Variants in HOOK3 observed in about 807,000 individuals in gnomAD.
The protein encoded by HOOK3 is protein Hook homolog 3.
Under a neutral mutation model 116.3 loss-of-function variants are expected in HOOK3, and 24 were observed. The ratio of observed to expected loss-of-function variants is 0.21; its 90% CI spans 0.15 to 0.29. The LOEUF is 0.29. HOOK3 is among the 10% of genes least tolerant of loss of function. The probability of loss-of-function intolerance (pLI) is 1.00; values close to 1 mark genes in which losing one functional copy is unlikely to be tolerated. For missense variants in HOOK3, 632 were observed against 830.2 expected (o/e 0.76, Z 2.93); for synonymous variants, 275 against 283.0 (o/e 0.97, Z 0.28).
At chr8:43,007,178 C>T (rs549322953) in intron 17 of HOOK3, among the ~76,000 whole-genome samples, 54 of 152,038 alleles carry the variant, frequency 3.6e-4, no homozygotes, top group African/African-American at 1.1e-3. Context: ...CCACCACACC[C>T]GGCTAATTTT....
intron 4 of HOOK3, among the ~76,000 whole-genome samples, chr8:42,939,415 C>A (rs1808049449): frequency 6.8e-6 from 1 of 147,744 alleles, no homozygotes; most frequent in Non-Finnish European, 1.5e-5. Context: ...CTACCTCCCT[C>A]CCGGATGGGG....
intron 12 of HOOK3, 39 bp downstream of exon 12, chr8:42,973,438 C>CCT: frequency 7.5e-7 from 1 of 1,332,574 alleles, no homozygotes; most frequent in Non-Finnish European, 1.0e-6. Context: ...TTGAGCACTG[C>CCT]TAAAATTAAG....
intron 13 of HOOK3, among the ~76,000 whole-genome samples, chr8:42,982,224 C>T (rs1586620817): frequency 7.0e-6 from 1 of 143,664 alleles, no homozygotes; most frequent in African/African-American, 2.6e-5. Flanking sequence ...CATTGCATTC[C>T]AGCCTGGGCA....
At chr8:42,908,132 T>C (rs1202606773) in intron 2 of HOOK3, among the ~76,000 whole-genome samples, 2 of 152,164 alleles carry the variant, frequency 1.3e-5, no homozygotes, top group Non-Finnish European at 2.9e-5. Context: ...GAAAGAGCCA[T>C]ACATTGAAAA....
chr8:42,956,062 C>T (rs1808427555), intron 6 of HOOK3, among the ~76,000 whole-genome samples: 1 of 152,154 alleles, frequency 6.6e-6, no homozygotes, highest in Non-Finnish European at 1.5e-5. Flanking sequence ...GATTGTCCCT[C>T]TCCCTTTTGT....
rs1809774507 is a variant in HOOK3 at position 43,019,249 on chromosome 8, A to T, written c.*751A>T. 1 of 213,174 alleles carries T rather than the reference A, an allele frequency of 4.7e-6. No homozygotes were observed. Among genetic ancestry groups the T allele is most frequent in the African/African-American group, 2.3e-5 (1 of 44,270 alleles). 13.2% of individuals were successfully genotyped at this position (213,174 alleles called of 1,614,324 possible). Reference sequence around the variant, plus strand: ...TTTGGGATAAATTACAAAAGAAAAAAAATTAGACACTGCATTAATTTCTTG... The same window carrying T: ...TTTGGGATAAATTACAAAAGAAAAATAATTAGACACTGCATTAATTTCTTG... On this transcript the variant is annotated 3_prime_UTR_variant, in exon 22 of 22. Coordinates refer to ENST00000307602, the MANE Select transcript of HOOK3 (RefSeq NM_032410.4).
chr8:42,927,556 G>T (rs183390397), intron 3 of HOOK3, among the ~76,000 whole-genome samples: 4 of 151,962 alleles, frequency 2.6e-5, no homozygotes. Flanking sequence ...GTGCCCGGCC[G>T]GCCCTGTTTT....
chr8:42,901,869 C>T (rs926443541), intron 1 of HOOK3, among the ~76,000 whole-genome samples: 12 of 152,120 alleles, frequency 7.9e-5, no homozygotes, highest in Admixed American at 1.3e-4. Flanking sequence ...CCACCACGCC[C>T]GGCTAATTTT....
In HOOK3 at chr8:42,973,407, T is replaced by C. The variant is rs147117796; in HGVS notation, c.1233+8T>C. 1,431 of 1,594,742 alleles carry C rather than the reference T, an allele frequency of 9.0e-4. 10 individuals carry two copies. In the African/African-American group the frequency reaches 0.017, roughly 19 times the overall value. ...CTTCAAAAAGAAAAGGACGTGAGTA[T>C]ATATATTAGGCATTTTGGTTTTGAG... is the stretch of plus-strand genomic sequence containing the variant. On this transcript the variant is annotated splice_region_variant and intron_variant, in intron 12 of 21. Transcript: ENST00000307602.
At chr8:42,959,420 T>C in intron 8 of HOOK3, 106 bp downstream of exon 8, 1 of 716,718 alleles carries the variant, frequency 1.4e-6, no homozygotes, top group Non-Finnish European at 2.3e-6. Flanking sequence ...AACGCAACCC[T>C]TTTTTAGGGA....
intron 8 of HOOK3, among the ~76,000 whole-genome samples, chr8:42,960,579 A>G (rs1808517290): frequency 6.6e-6 from 1 of 152,232 alleles, no homozygotes; most frequent in Admixed American, 6.5e-5. Flanking sequence ...GTGATGAAGG[A>G]AAGGGAGAGC....
intron 2 of HOOK3, among the ~76,000 whole-genome samples, chr8:42,918,899 C>A (rs908181732): frequency 2.0e-5 from 3 of 152,244 alleles, no homozygotes; most frequent in Non-Finnish European, 4.4e-5. Flanking sequence ...AAACCGCCAT[C>A]GTCATCATGG....
At position 42,966,553 on chromosome 8, in the gene HOOK3, A is replaced by G. The variant is rs1409854570; in HGVS notation, c.860A>G (p.Asp287Gly). 1.2e-6 allele frequency: 2 copies of G among 1,614,070 alleles called. No individual in the cohort carries two copies. The highest frequency in any genetic ancestry group is 8.5e-7 in the Non-Finnish European group (1 of 1,180,018). Residue 287 changes from aspartate (D) to glycine (G), a missense_variant, in exon 10 of 22, where the codon GAT (aspartate) becomes GGT (glycine). Physicochemically the swap from Asp to Gly is moderately conservative, Grantham distance 94. Around this residue, in one of 3 missense-constraint regions of HOOK3, gnomAD observed 483 missense variants for 648.1 expected, o/e 0.75. Coordinates refer to ENST00000307602, the MANE Select transcript of HOOK3 (RefSeq NM_032410.4). ...ATCTCTGAACTTCGGCAACAGAATG[A>G]TGAACTGACCACTTTGGCAGATGAA... ...KEISELRQQN[D>G]ELTTLADEAQ... is the part of the protein sequence containing the mutation.
In HOOK3 at chr8:43,014,786, C is replaced by A. The variant is rs1809679415; in HGVS notation, c.2016+1386C>A. 5.3e-5 allele frequency among the ~76,000 whole-genome samples: 8 copies of A among 152,248 alleles called. No individual in the cohort carries two copies. The South Asian group carries it at 1.5e-3, about 28-fold the overall frequency. ...TGGCCTCTGAACACTGTGATTTGAT[C>A]TTTGTCAAAAATTCATAAATTTCAT... On this transcript the variant is annotated intron_variant, in intron 21 of 21. Transcript: ENST00000307602.
In HOOK3 at chr8:42,997,648, A is replaced by G. The variant is rs1404439822; in HGVS notation, c.1620+11A>G. On this transcript the variant is annotated intron_variant, in intron 16 of 21. Transcript: ENST00000307602. ...TCAAAAGCAGAAGATGTAAGTTTTA[A>G]TATGTACCAACGATGGTCCATCAGT... 9 of 1,395,180 alleles carry G rather than the reference A, an allele frequency of 6.5e-6. No individual in the cohort carries two copies. The highest frequency in any genetic ancestry group is 1.4e-5 in the African/African-American group (1 of 70,584). 86.4% of individuals were successfully genotyped at this position (1,395,180 alleles called of 1,614,324 possible). A position where few individuals can be genotyped will look rare whatever the true frequency, so the allele number is the denominator to read the frequency against.
chr8:42,929,206 A>G (rs1807827481), intron 3 of HOOK3, among the ~76,000 whole-genome samples: 2 of 152,226 alleles, frequency 1.3e-5, no homozygotes, highest in Admixed American at 1.3e-4. Flanking sequence ...AGCATATTAT[A>G]TGCATTTTCC....
In HOOK3 at chr8:42,976,040, ATGTG is replaced by A. The variant is rs10675533; in HGVS notation, c.1321+1866_1321+1869del. 1.7e-4 allele frequency among the ~76,000 whole-genome samples: 25 copies of A among 148,838 alleles called. No homozygotes were observed. In the South Asian group the frequency reaches 1.9e-3, roughly 12 times the overall value. ...TGTAGATGTGTGTGTGTATATATAT[ATGTG>A]TGTGTGTGTGTGTGTGTGTATATAT... On this transcript the variant is annotated intron_variant, in intron 13 of 21. Transcript: ENST00000307602.
chr8:42,976,038 ATATG>A (rs1313974868), intron 13 of HOOK3, among the ~76,000 whole-genome samples: 1 of 139,312 alleles, frequency 7.2e-6, no homozygotes, highest in Non-Finnish European at 1.5e-5. Flanking sequence ...GTGTATATAT[ATATG>A]TGTGTGTGTG....
chr8:42,905,603 T>C (rs868452103), intron 1 of HOOK3, among the ~76,000 whole-genome samples: 4 of 152,142 alleles, frequency 2.6e-5, no homozygotes, highest in Admixed American at 6.5e-5. Flanking sequence ...TAGATTGATC[T>C]TGTGTGAGTA....
Sources: gnomAD v4.1 joint callset for allele counts (sites outside exome capture counted in the v4.1 genomes callset) on GRCh38, gnomAD v4.1.1 for gene constraint, gnomAD v4.1.1 regional missense constraint, MANE v1.5 for transcripts, NCBI Gene and HGNC (gene_info 2026-07-23, HGNC 2026-07-21) for gene names.